Variants in NCOA2 observed in about 807,000 individuals in gnomAD.
The protein encoded by NCOA2 is nuclear receptor coactivator 2.
NCOA2 carries 21 observed loss-of-function variants against 145.1 expected under a neutral mutation model. The observed-to-expected ratio is 0.14, with a 90% CI of 0.10 to 0.21. The LOEUF is 0.21. NCOA2 is among the 10% of genes least tolerant of loss of function. NCOA2 has a pLI of 1.00. For synonymous variants in NCOA2, 619 were observed against 637.5 expected, an observed-to-expected ratio of 0.97 and a Z score of 0.44; for missense variants, 1,472 against 1,837.6, an observed-to-expected ratio of 0.80 and a Z score of 3.64.
intron 4 of NCOA2, among the ~76,000 whole-genome samples, chr8:70,183,560 C>G (rs1414832385): frequency 6.6e-6 from 1 of 152,060 alleles, no homozygotes; most frequent in Admixed American, 6.6e-5. Context: ...GCTTATACAC[C>G]ATAGCAATAT....
At chr8:70,275,801 T>C (rs1297356098) in intron 2 of NCOA2, among the ~76,000 whole-genome samples, 4 of 152,198 alleles carry the variant, frequency 2.6e-5, no homozygotes, top group African/African-American at 7.2e-5. Context: ...CAGTAGAATA[T>C]GTGTTAATTT....
intron 1 of NCOA2, among the ~76,000 whole-genome samples, chr8:70,309,225 G>C (rs1219641594): frequency 6.6e-6 from 1 of 152,072 alleles, no homozygotes; most frequent in African/African-American, 2.4e-5. Flanking sequence ...AGATACAGAA[G>C]AGACAAACCA....
intron 4 of NCOA2, among the ~76,000 whole-genome samples, chr8:70,185,405 T>C (rs936128786): frequency 4.6e-5 from 7 of 152,140 alleles, no homozygotes; most frequent in African/African-American, 1.2e-4. Context: ...AGCAAAGCAG[T>C]GTTAACAATG....
intron 2 of NCOA2, among the ~76,000 whole-genome samples, chr8:70,283,288 CA>C (rs772528500): frequency 4.6e-5 from 7 of 152,206 alleles, no homozygotes; most frequent in Non-Finnish European, 7.3e-5. Flanking sequence ...TAAATTGTAT[CA>C]TTTTTTTCCT....
intron 8 of NCOA2, 97 bp from the exon 9 acceptor site, chr8:70,162,951 A>G (rs1292036358): frequency 2.4e-5 from 30 of 1,235,262 alleles, no homozygotes; most frequent in African/African-American, 1.6e-4. Flanking sequence ...GTCTCACTCT[A>G]TCGTCCAGGC....
intron 1 of NCOA2, chr8:70,401,799 C>T (rs1814276952): frequency 6.6e-6 from 1 of 152,188 alleles, no homozygotes; most frequent in African/African-American, 2.4e-5. Flanking sequence ...CTTCTGTGAC[C>T]CTTAGCATGT....
At chr8:70,160,652 T>TGAGAGAGAGAGAGAGAGA (rs1299622638) in intron 9 of NCOA2, among the ~76,000 whole-genome samples, 1 of 31,510 alleles carries the variant, frequency 3.2e-5, no homozygotes, top group Non-Finnish European at 7.4e-5. Flanking sequence ...CTGCCACAAG[T>TGAGAGAGAGAGAGAGAGA]GAGAGACAGA....
intron 18 of NCOA2, 98 bp downstream of exon 18, chr8:70,128,335 G>T: frequency 9.9e-7 from 1 of 1,009,934 alleles, no homozygotes; most frequent in Non-Finnish European, 1.5e-6. Context: ...TGCTGATCTG[G>T]ATCCACGTCT....
chr8:70,403,824 T>G (rs1258431730), upstream of NCOA2: 1 of 395,502 alleles, frequency 2.5e-6, no homozygotes, highest in Admixed American at 4.4e-5. Flanking sequence ...GTTGTTTATT[T>G]CAATGGAGAT....
At chr8:70,307,873 A>G (rs1828015468) in intron 1 of NCOA2, among the ~76,000 whole-genome samples, 2 of 152,196 alleles carry the variant, frequency 1.3e-5, no homozygotes, top group African/African-American at 4.8e-5. Context: ...TAGTAAATCT[A>G]TTTTTGTTTT....
chr8:70,146,790 G>T (rs1451221948), intron 12 of NCOA2, among the ~76,000 whole-genome samples: 1 of 152,066 alleles, frequency 6.6e-6, no homozygotes, highest in Non-Finnish European at 1.5e-5. Context: ...CCACCTTCCG[G>T]GTTCAAGCAA....
the NCOA2 span, among the ~76,000 whole-genome samples, chr8:70,418,462 C>A: frequency 6.6e-6 from 1 of 152,296 alleles, no homozygotes; most frequent in African/African-American, 2.4e-5. Context: ...CAGCCTCCTT[C>A]CAGAGACTCC....
chr8:70,130,142 C>T (rs781436776), intron 16 of NCOA2, among the ~76,000 whole-genome samples: 1 of 152,208 alleles, frequency 6.6e-6, no homozygotes, highest in Non-Finnish European at 1.5e-5. Flanking sequence ...GGGATGGAGC[C>T]TAAGCAGAGG....
intron 2 of NCOA2, among the ~76,000 whole-genome samples, chr8:70,232,170 G>A (rs1482037095): frequency 6.6e-6 from 1 of 152,100 alleles, no homozygotes; most frequent in African/African-American, 2.4e-5. Context: ...CTCCCCAACA[G>A]TCTTCAGTGT....
the NCOA2 span, among the ~76,000 whole-genome samples, chr8:70,418,794 C>T: frequency 3.3e-5 from 5 of 152,182 alleles, no homozygotes; most frequent in African/African-American, 1.2e-4. Flanking sequence ...ATATACATAA[C>T]ACTGAAATAG....
intron 1 of NCOA2, among the ~76,000 whole-genome samples, chr8:70,352,389 G>A (rs1372255235): frequency 1.3e-5 from 2 of 152,134 alleles, no homozygotes; most frequent in Admixed American, 6.5e-5. Context: ...CTTCCATCAT[G>A]CACACTGATA....
At chr8:70,216,012 C>T (rs1177045196) in intron 3 of NCOA2, among the ~76,000 whole-genome samples, 1 of 152,158 alleles carries the variant, frequency 6.6e-6, no homozygotes, top group Non-Finnish European at 1.5e-5. Flanking sequence ...GTTTAACAGA[C>T]ATTTAGGTTT....
the NCOA2 span, among the ~76,000 whole-genome samples, chr8:70,413,539 G>A: frequency 1.3e-5 from 2 of 152,122 alleles, no homozygotes; most frequent in African/African-American, 2.4e-5. Flanking sequence ...ATGCCTTTGC[G>A]AAACAGACTG....
At chr8:70,245,365 T>C (rs1308733299) in intron 2 of NCOA2, 1 of 152,146 alleles carries the variant, frequency 6.6e-6, no homozygotes, top group African/African-American at 2.4e-5. Context: ...TTCTATTCTA[T>C]TGCTTGCTCT....
Sources: gnomAD v4.1 joint callset for allele counts (sites outside exome capture counted in the v4.1 genomes callset) on GRCh38, gnomAD v4.1.1 for gene constraint, MANE v1.5 for transcripts, NCBI Gene and HGNC (gene_info 2026-07-23, HGNC 2026-07-21) for gene names.